The following ADAMTSL3 variants were observed in gnomAD, a reference collection of about 807,000 sequenced individuals.
ADAMTSL3 encodes the protein ADAMTS like 3.
A neutral mutation model predicts 201.7 loss-of-function variants in ADAMTSL3; 128 were observed. That is an observed-to-expected ratio of 0.63 (90% confidence interval 0.55 to 0.73). The LOEUF (loss-of-function observed/expected upper bound fraction) is 0.73. Among genes scored for constraint, ADAMTSL3 ranks in the 30% least tolerant of loss-of-function variants. ADAMTSL3 has a pLI of 0.00. For missense variants in ADAMTSL3, 1,990 were observed against 2,119.6 expected, an observed-to-expected ratio of 0.94 and a Z score of 1.20; for synonymous variants, 738 against 748.4, an observed-to-expected ratio of 0.99 and a Z score of 0.23.
intron 2 of ADAMTSL3, among the ~76,000 whole-genome samples, chr15:83,668,333 G>A (rs536899840): frequency 6.6e-6 from 1 of 150,966 alleles, no homozygotes; most frequent in South Asian, 2.1e-4. Flanking sequence ...TATTGATTCT[G>A]TTTTTTTGGT....
At chr15:83,942,070 C>T (rs1420650174) in intron 17 of ADAMTSL3, among the ~76,000 whole-genome samples, 1 of 152,090 alleles carries the variant, frequency 6.6e-6, no homozygotes, top group East Asian at 1.9e-4. Flanking sequence ...TTCATTTTTA[C>T]AGATGTTTTA....
intron 17 of ADAMTSL3, among the ~76,000 whole-genome samples, chr15:83,932,619 C>A (rs1359647880): frequency 6.6e-6 from 1 of 152,184 alleles, no homozygotes; most frequent in East Asian, 1.9e-4. Context: ...AAAGGCTCCC[C>A]TGAGAATCTA....
At chr15:83,962,732 G>A (rs2066996972) in intron 19 of ADAMTSL3, 3 of 152,154 alleles carry the variant, frequency 2.0e-5, no homozygotes, top group African/African-American at 7.2e-5. Flanking sequence ...CTGGCAAGAT[G>A]GCCAAATAGG....
At position 83,899,655 on chromosome 15, in the gene ADAMTSL3, C is replaced by G. The variant is rs1596375798; in HGVS notation, c.1624C>G (p.Pro542Ala). 6.2e-7 allele frequency: 1 copy of G among 1,611,150 alleles called. No homozygotes were observed. Among genetic ancestry groups the G allele is most frequent in the Non-Finnish European group, 8.5e-7 (1 of 1,178,192 alleles). ...TGTTCTCTTTTTCTTAGAAAAAAGT[C>G]CAGTGGAAGCAAAATTGCCTTGGCT... ...IPCYKPKEKS[P>A]VEAKLPWLKQ... is the part of the protein sequence containing the mutation. Residue 542 changes from proline to alanine, a missense_variant, in exon 15 of 30, where the codon CCA (proline) becomes GCA (alanine). By Grantham distance (27) the Pro-to-Ala change is conservative. Transcript: ENST00000286744.
At chr15:83,882,971 CTCT>C (rs2065305504) in intron 9 of ADAMTSL3, among the ~76,000 whole-genome samples, 1 of 151,704 alleles carries the variant, frequency 6.6e-6, no homozygotes, top group South Asian at 2.1e-4. Flanking sequence ...TAAATATTGT[CTCT>C]TCATCATTCT....
At chr15:83,856,138 G>A (rs1403187120) in intron 7 of ADAMTSL3, among the ~76,000 whole-genome samples, 1 of 151,426 alleles carries the variant, frequency 6.6e-6, no homozygotes, top group East Asian at 1.9e-4. Flanking sequence ...GACTGATGCT[G>A]TAGTATGCAT....
chr15:83,780,721 T>C (rs919596619), intron 4 of ADAMTSL3, among the ~76,000 whole-genome samples: 1 of 152,162 alleles, frequency 6.6e-6, no homozygotes, highest in African/African-American at 2.4e-5. Flanking sequence ...CCCCATAGTC[T>C]CAGGCCAAAG....
rs149299146 is a variant in ADAMTSL3 at position 83,872,598 on chromosome 15, C to CCACACACACACA, written c.960+1658_960+1669dup. ...GTGATTCTCAAGTAGAAAATATACACCACACACACACACACACACACACAC... is the reference window on the plus strand; with the variant it reads ...GTGATTCTCAAGTAGAAAATATACACCACACACACACACACACACACACACACACACACACAC... On this transcript the variant is annotated intron_variant, in intron 9 of 29. Transcript: ENST00000286744. Among the ~76,000 whole-genome samples, 260 of 46,512 alleles carry CCACACACACACA rather than the reference C, an allele frequency of 5.6e-3. 3 individuals carry two copies. The highest frequency in any genetic ancestry group is 0.014 in the African/African-American group (161 of 11,740). 30.5% of individuals were successfully genotyped at this position (46,512 alleles called of 152,430 possible). A position where few individuals can be genotyped will look rare whatever the true frequency, so the allele number is the denominator to read the frequency against.
At chr15:83,734,540 G>A (rs1344570815) in intron 3 of ADAMTSL3, among the ~76,000 whole-genome samples, 2 of 152,184 alleles carry the variant, frequency 1.3e-5, no homozygotes, top group Non-Finnish European at 2.9e-5. Flanking sequence ...CCAAATAGCT[G>A]TAGCTATTCA....
chr15:83,761,393 T>G (rs2062807006), intron 3 of ADAMTSL3, among the ~76,000 whole-genome samples: 2 of 152,224 alleles, frequency 1.3e-5, no homozygotes, highest in African/African-American at 4.8e-5. Flanking sequence ...ACCATTCTTA[T>G]TTTTGCTCTT....
intron 17 of ADAMTSL3, among the ~76,000 whole-genome samples, chr15:83,929,693 C>CAT (rs1555461699): frequency 6.6e-6 from 1 of 150,756 alleles, no homozygotes; most frequent in Non-Finnish European, 1.5e-5. Flanking sequence ...CACACACACA[C>CAT]ACACACAGAG....
chr15:83,982,429 G>T lies in ADAMTSL3; in HGVS notation c.2801G>T (p.Cys934Phe), dbSNP rs753673975. The T allele has an allele frequency of 1.2e-6, 2 of 1,614,136 alleles. No homozygotes were observed. Among genetic ancestry groups the T allele is most frequent in the South Asian group, 2.2e-5 (2 of 91,068 alleles). Residue 934 changes from cysteine to phenylalanine, a missense_variant, in exon 21 of 30, where the codon TGC (cysteine) becomes TTC (phenylalanine). Transcript: ENST00000286744. Reference sequence around the variant, plus strand: ...CCCAACACATCCGTGATTATTAAGTGCCCCGTGCGACGATTCCAGAAATCT... The same window carrying T: ...CCCAACACATCCGTGATTATTAAGTTCCCCGTGCGACGATTCCAGAAATCT... The part of the protein sequence containing the change: ...LLPNTSVIIK[C>F]PVRRFQKSLI...
intron 8 of ADAMTSL3, chr15:83,862,889 G>C (rs2064895811): frequency 6.6e-6 from 1 of 152,108 alleles, no homozygotes; most frequent in Non-Finnish European, 1.5e-5. Flanking sequence ...CACGTGCAGA[G>C]ACACACATAG....
At chr15:83,849,602 T>G (rs2064568094) in intron 7 of ADAMTSL3, among the ~76,000 whole-genome samples, 1 of 152,204 alleles carries the variant, frequency 6.6e-6, no homozygotes, top group South Asian at 2.1e-4. Flanking sequence ...TCTTTCTTAC[T>G]GTACTTACAA....
intron 2 of ADAMTSL3, among the ~76,000 whole-genome samples, chr15:83,659,612 C>T (rs907673948): frequency 3.3e-5 from 5 of 152,120 alleles, no homozygotes; most frequent in African/African-American, 1.2e-4. Flanking sequence ...TGGTAGGTTG[C>T]CTAATGACCC....
chr15:83,838,199 C>G lies in ADAMTSL3; in HGVS notation c.711C>G (p.His237Gln). The G allele has an allele frequency of 1.2e-6, 2 of 1,612,502 alleles. No homozygotes were observed. Reference sequence around the variant, plus strand: ...TTGTACGGGGACAATCAAAGTCACACGTTTCTCCTGAAAAAAGTAGGTTTT... The same window carrying G: ...TTGTACGGGGACAATCAAAGTCACAGGTTTCTCCTGAAAAAAGTAGGTTTT... The part of the protein sequence containing the change: ...CRLVRGQSKS[H>Q]VSPEKREENV... Residue 237 changes from histidine (H) to glutamine (Q), a missense_variant, in exon 7 of 30, where the codon CAC (histidine) becomes CAG (glutamine). By Grantham distance (24) the His-to-Gln change is conservative. Coordinates refer to ENST00000286744, the MANE Select transcript of ADAMTSL3 (RefSeq NM_207517.3).
chr15:83,982,205 G>A, intron 20 of ADAMTSL3, 68 bp from the exon 21 acceptor site: 1 of 1,266,964 alleles, frequency 7.9e-7, no homozygotes, highest in Non-Finnish European at 1.1e-6. Context: ...AAAGATTACT[G>A]TCAAAAAGTC....
At chr15:83,904,639 CCTT>C (rs2065800003) in intron 15 of ADAMTSL3, among the ~76,000 whole-genome samples, 1 of 152,164 alleles carries the variant, frequency 6.6e-6, no homozygotes, top group African/African-American at 2.4e-5. Context: ...GCAGTACTGA[CCTT>C]CTTAGCTTTC....
At chr15:83,823,972 T>TCTTCTTCTTCTC (rs1567170062) in intron 6 of ADAMTSL3, among the ~76,000 whole-genome samples, 4 of 71,100 alleles carry the variant, frequency 5.6e-5, no homozygotes, top group African/African-American at 8.4e-5. Flanking sequence ...TTCTTCTTCT[T>TCTTCTTCTTCTC]CTCCTCCTCC....
Sources: gnomAD v4.1 joint callset for allele counts (sites outside exome capture counted in the v4.1 genomes callset) on GRCh38, gnomAD v4.1.1 for gene constraint, MANE v1.5 for transcripts, NCBI Gene and HGNC (gene_info 2026-07-23, HGNC 2026-07-21) for gene names.